The following GABRA2 variants were observed in gnomAD, a reference collection of about 807,000 sequenced individuals.
GABRA2 encodes gamma-aminobutyric acid receptor subunit alpha-2.
Under a neutral mutation model 48.7 loss-of-function variants are expected in GABRA2, and 16 were observed. The ratio of observed to expected loss-of-function variants is 0.33; its 90% CI spans 0.22 to 0.50. GABRA2 has a LOEUF of 0.50. Ranked by LOEUF, GABRA2 falls within the 20% of genes least tolerant of loss-of-function variation. The pLI is 0.98. For synonymous variants in GABRA2, 185 were observed against 184.5 expected, an observed-to-expected ratio of 1.00 and a Z score of -0.02; for missense variants, 275 against 535.6, an observed-to-expected ratio of 0.51 and a Z score of 4.80.
At chr4:46,301,332 C>T (rs1032314680) in intron 8 of GABRA2, among the ~76,000 whole-genome samples, 8 of 152,134 alleles carry the variant, frequency 5.3e-5, no homozygotes, top group East Asian at 1.9e-4. Flanking sequence ...TGAAAAAGAA[C>T]GGCTAACAAT....
At position 46,245,982 on chromosome 4, in the gene GABRA2, A is replaced by G. The variant is rs1713643287; in HGVS notation, c.*4326T>C. 6.6e-6 allele frequency among the ~76,000 whole-genome samples: 1 copy of G among 151,128 alleles called. No homozygotes were observed. Among genetic ancestry groups the G allele is most frequent in the Non-Finnish European group, 1.5e-5 (1 of 67,452 alleles). On this transcript the variant is annotated 3_prime_UTR_variant, in exon 10 of 10. Coordinates refer to ENST00000381620, the MANE Select transcript of GABRA2 (RefSeq NM_000807.4). Reference sequence around the variant, plus strand: ...GGTCTAGATATGTTGATAATTAAGAATTTTAGCAAAAAAACAAAATTATGA... The same window carrying G: ...GGTCTAGATATGTTGATAATTAAGAGTTTTAGCAAAAAAACAAAATTATGA...
intron 8 of GABRA2, among the ~76,000 whole-genome samples, chr4:46,276,946 C>T (rs1006404213): frequency 6.6e-6 from 1 of 151,912 alleles, no homozygotes; most frequent in Admixed American, 6.6e-5. Flanking sequence ...GAGTGGGTTT[C>T]CTTCTCTCAT....
At chr4:46,271,116 G>A (rs886366245) in intron 8 of GABRA2, among the ~76,000 whole-genome samples, 49 of 152,008 alleles carry the variant, frequency 3.2e-4, no homozygotes, top group Non-Finnish European at 1.3e-4. Context: ...TTGGGGTGCA[G>A]GGTGGAAGTT....
At chr4:46,374,570 C>A (rs1374253967) in intron 3 of GABRA2, among the ~76,000 whole-genome samples, 5 of 152,076 alleles carry the variant, frequency 3.3e-5, no homozygotes, top group African/African-American at 9.7e-5. Flanking sequence ...TACTCACAGA[C>A]AAAATCCAAT....
chr4:46,344,364 T>G (rs549226725), intron 3 of GABRA2, among the ~76,000 whole-genome samples: 24 of 151,998 alleles, frequency 1.6e-4, no homozygotes, highest in African/African-American at 5.3e-4. Context: ...TTTAGAGATC[T>G]TGAAGTCACT....
intron 8 of GABRA2, among the ~76,000 whole-genome samples, chr4:46,263,786 A>C (rs1717531638): frequency 6.6e-6 from 1 of 152,030 alleles, no homozygotes; most frequent in Non-Finnish European, 1.5e-5. Context: ...TCATCTTTGC[A>C]AAAAAGGTAA....
intron 3 of GABRA2, among the ~76,000 whole-genome samples, chr4:46,350,040 T>G (rs1177689837): frequency 6.6e-6 from 1 of 151,906 alleles, no homozygotes; most frequent in Non-Finnish European, 1.5e-5. Flanking sequence ...AGATTAAATT[T>G]ATATATATGA....
intron 8 of GABRA2, among the ~76,000 whole-genome samples, chr4:46,296,885 T>C (rs537328629): frequency 3.9e-5 from 6 of 152,314 alleles, no homozygotes; most frequent in African/African-American, 1.2e-4. Flanking sequence ...CATTTTCGTT[T>C]TTCATGCTGT....
intron 6 of GABRA2, among the ~76,000 whole-genome samples, chr4:46,306,863 A>G (rs1282465532): frequency 6.6e-6 from 1 of 152,106 alleles, no homozygotes; most frequent in Non-Finnish European, 1.5e-5. Context: ...ATCGCAAATC[A>G]ATTTCCACTC....
At chr4:46,320,551 T>C (rs74897963) in intron 4 of GABRA2, among the ~76,000 whole-genome samples, 15,432 of 151,982 alleles carry the variant, frequency 0.1, 1,026 homozygotes, top group Middle Eastern at 0.15. Context: ...AAGAGATTAA[T>C]ATCCAAAATA....
chr4:46,376,405 G>A (rs1427568213), intron 3 of GABRA2, among the ~76,000 whole-genome samples: 1 of 152,138 alleles, frequency 6.6e-6, no homozygotes, highest in Non-Finnish European at 1.5e-5. Context: ...GACTGCATCT[G>A]AGCTGAAGTG....
At chr4:46,271,870 G>A (rs1010471906) in intron 8 of GABRA2, among the ~76,000 whole-genome samples, 1 of 151,824 alleles carries the variant, frequency 6.6e-6, no homozygotes, top group African/African-American at 2.4e-5. Flanking sequence ...TGGCATCAAT[G>A]TGAAGCTGCA....
At chr4:46,309,429 G>T (rs900817248) in intron 6 of GABRA2, among the ~76,000 whole-genome samples, 3 of 151,976 alleles carry the variant, frequency 2.0e-5, no homozygotes, top group Non-Finnish European at 4.4e-5. Context: ...CTCTAAAAAG[G>T]TCAGGCAATA....
chr4:46,364,752 T>A (rs1273308376), intron 3 of GABRA2: 3 of 152,206 alleles, frequency 2.0e-5, no homozygotes, highest in Non-Finnish European at 2.9e-5. Flanking sequence ...ATCTCTTGAT[T>A]TAGATTTAAA....
chr4:46,326,952 AC>A (rs1730492598), intron 4 of GABRA2, among the ~76,000 whole-genome samples: 1 of 151,886 alleles, frequency 6.6e-6, no homozygotes, highest in Admixed American at 6.6e-5. Flanking sequence ...GTCATTCTAT[AC>A]TTCTTCTTCC....
At chr4:46,325,850 G>A (rs567891725) in intron 4 of GABRA2, among the ~76,000 whole-genome samples, 1 of 151,958 alleles carries the variant, frequency 6.6e-6, no homozygotes, top group African/African-American at 2.4e-5. Flanking sequence ...CCCACTGCTT[G>A]TTTTTGTCGA....
At chr4:46,261,291 T>C (rs1052592733) in intron 9 of GABRA2, 1 of 152,354 alleles carries the variant, frequency 6.6e-6, no homozygotes, top group Non-Finnish European at 1.5e-5. Flanking sequence ...CAATTTAAAA[T>C]TCCTAAGCAT....
At chr4:46,371,438 T>G (rs1714874307) in intron 3 of GABRA2, among the ~76,000 whole-genome samples, 1 of 152,196 alleles carries the variant, frequency 6.6e-6, no homozygotes, top group Admixed American at 6.5e-5. Context: ...CAATTATTCT[T>G]GCAGATTTTG....
intron 6 of GABRA2, among the ~76,000 whole-genome samples, chr4:46,308,253 T>C (rs1272510058): frequency 6.6e-6 from 1 of 152,176 alleles, no homozygotes; most frequent in Non-Finnish European, 1.5e-5. Context: ...AGGAAAAATT[T>C]AAAGGTATGC....
Sources: allele counts gnomAD v4.1 joint callset (sites outside exome capture counted in the v4.1 genomes callset), GRCh38; gene constraint gnomAD v4.1.1; transcripts MANE v1.5; gene names NCBI Gene and HGNC (gene_info 2026-07-23, HGNC 2026-07-21).